Variants in MYL1 observed in about 807,000 individuals in gnomAD.
MYL1 encodes myosin light chain 1/3, skeletal muscle isoform.
Under a neutral mutation model 21.8 loss-of-function variants are expected in MYL1, and 16 were observed. That is an observed-to-expected ratio of 0.74 (90% confidence interval 0.50 to 1.12). MYL1 has a LOEUF of 1.12. Among genes scored for constraint, MYL1 ranks in the 50% most tolerant of loss-of-function variants. The pLI, the probability that MYL1 is intolerant of heterozygous loss-of-function variation, is 0.00. For missense variants in MYL1, 246 were observed against 241.0 expected, an observed-to-expected ratio of 1.02 and a Z score of -0.14; for synonymous variants, 99 against 85.2, an observed-to-expected ratio of 1.16 and a Z score of -0.89.
chr2:210,302,394 T>G, intron 2 of MYL1, 94 bp downstream of exon 2: 3 of 1,178,248 alleles, frequency 2.5e-6, no homozygotes, highest in Non-Finnish European at 3.5e-6. Context: ...GTGGGGATAA[T>G]TAGGAAGAGC....
intron 5 of MYL1, among the ~76,000 whole-genome samples, chr2:210,292,179 G>A (rs144043197): frequency 0.01 from 1,542 of 152,132 alleles, 30 homozygotes; most frequent in African/African-American, 0.035. Context: ...AGCGATTCTC[G>A]TGCCTCAGCC....
intron 2 of MYL1, among the ~76,000 whole-genome samples, chr2:210,301,414 C>G (rs764189500): frequency 1.3e-5 from 2 of 151,998 alleles, no homozygotes; most frequent in Non-Finnish European, 2.9e-5. Flanking sequence ...ATTTCAGATG[C>G]AGAAATAGAC....
rs1303134125 is a variant in MYL1, at chr2:210,290,426, T to C, written c.*56A>G. On this transcript the variant is annotated 3_prime_UTR_variant, in exon 7 of 7. Transcript: ENST00000352451. ...TCTGGAGAGTTTGTCATGGGTGTGA[T>C]TAAAATAAGTTTCCAGCCAGTCTTC... is the stretch of plus-strand genomic sequence containing the variant. The C allele has an allele frequency of 6.6e-6, 1 of 152,222 alleles. No homozygotes were observed. Among genetic ancestry groups the C allele is most frequent in the Non-Finnish European group, 1.5e-5 (1 of 68,046 alleles). 9.4% of individuals were successfully genotyped at this position (152,222 alleles called of 1,614,324 possible). A position where few individuals can be genotyped will look rare whatever the true frequency, so the allele number is the denominator to read the frequency against.
chr2:210,298,369 GC>G (rs757347395), intron 3 of MYL1, 50 bp downstream of exon 3: 3 of 1,262,680 alleles, frequency 2.4e-6, no homozygotes, highest in Non-Finnish European at 3.3e-6. Context: ...CACACACACT[GC>G]TACACACTTC....
chr2:210,293,374 A>G (rs1451461287), intron 5 of MYL1, among the ~76,000 whole-genome samples: 1 of 152,214 alleles, frequency 6.6e-6, no homozygotes, highest in Non-Finnish European at 1.5e-5. Flanking sequence ...TTTCATTTTC[A>G]TAATTGCTTC....
At chr2:210,296,815 G>A (rs1690180402) in intron 3 of MYL1, among the ~76,000 whole-genome samples, 1 of 151,908 alleles carries the variant, frequency 6.6e-6, no homozygotes, top group South Asian at 2.1e-4. Flanking sequence ...CCTGTCTCTA[G>A]AAAGCACTAC....
At chr2:210,291,713 T>G (rs564686903) in intron 5 of MYL1, among the ~76,000 whole-genome samples, 5 of 152,322 alleles carry the variant, frequency 3.3e-5, no homozygotes, top group Admixed American at 6.5e-5. Flanking sequence ...AATTTCACAT[T>G]GATACATTGA....
intron 3 of MYL1, among the ~76,000 whole-genome samples, chr2:210,295,275 GAATA>G (rs1690155405): frequency 6.6e-6 from 1 of 152,052 alleles, no homozygotes; most frequent in Non-Finnish European, 1.5e-5. Flanking sequence ...TTTGAATGCT[GAATA>G]AATGAGTATT....
intron 2 of MYL1, among the ~76,000 whole-genome samples, chr2:210,299,872 C>T (rs1690236976): frequency 6.6e-6 from 1 of 152,044 alleles, no homozygotes; most frequent in Non-Finnish European, 1.5e-5. Flanking sequence ...GGTTTCAGAT[C>T]AAAAGGTGCT....
chr2:210,301,686 A>G (rs1164582106), intron 2 of MYL1, among the ~76,000 whole-genome samples: 3 of 152,118 alleles, frequency 2.0e-5, no homozygotes, highest in African/African-American at 7.2e-5. Flanking sequence ...CTTGCTAATG[A>G]AAACATCAAG....
At chr2:210,293,862 A>G in intron 4 of MYL1, 62 bp from the exon 5 acceptor site, 1 of 1,451,706 alleles carries the variant, frequency 6.9e-7, no homozygotes, top group South Asian at 1.1e-5. Context: ...AATCCACCAT[A>G]GGTCATCAGT....
Position 210,315,006 on chromosome 2 carries a change from C to T in MYL1, c.37G>A (p.Ala13Thr), listed in dbSNP as rs143705321. Residue 13 changes from alanine (A) to threonine (T), a missense_variant, in exon 1 of 7, where the codon GCG becomes ACG. Transcript: ENST00000352451. ...PKKDVKKPVAAAAAAPAPAPA... is the reference protein window; with the variant it reads ...PKKDVKKPVATAAAAPAPAPA... ...GCCGGGGCTGGGGCAGCCGCAGCCG[C>T]AGCCACAGGTTTCTTCACGTCTTTC... 6.2e-7 allele frequency: 1 copy of T among 1,606,056 alleles called. No homozygotes were observed. The highest frequency in any genetic ancestry group is 8.5e-7 in the Non-Finnish European group (1 of 1,178,012).
In MYL1 at chr2:210,302,510, C is replaced by T. The variant is rs1049346643; in HGVS notation, c.138G>A (p.Glu46=). 1.2e-6 allele frequency: 2 copies of T among 1,609,488 alleles called. No individual in the cohort carries two copies. Among genetic ancestry groups the T allele is most frequent in the Admixed American group, 3.4e-5 (2 of 58,746 alleles). ...TACCATCCTGCTGTTCCTTAGAGAA[C>T]TCGATCTGTTAGAAAGAAATTGACC... ...EKIDLSAIKI[E]FSKEQQDEFK... is the part of the protein sequence containing the mutation. The change falls in exon 2 of 7, where the codon GAG becomes GAA. Residue 46 remains glutamate, a synonymous_variant. Transcript: ENST00000352451.
At chr2:210,291,117 A>G in intron 5 of MYL1, 43 bp from the exon 6 acceptor site, 8 of 1,515,342 alleles carry the variant, frequency 5.3e-6, no homozygotes, top group Non-Finnish European at 7.3e-6. Context: ...TAGAGTTAGG[A>G]AACAGTCAAA....
rs538204516 is a variant in MYL1, at chr2:210,312,763, T to C, written c.132+2148A>G. ...CTGTTTCTTCCAGATTCATTTAACT[T>C]CTTTTTGATTTGTGTCCCTTACTAG... On this transcript the variant is annotated intron_variant, in intron 1 of 6. Coordinates refer to ENST00000352451, the MANE Select transcript of MYL1 (RefSeq NM_079420.3). Among the ~76,000 whole-genome samples the C allele has an allele frequency of 3.3e-5, 5 of 152,032 alleles. No homozygotes were observed. In the South Asian group the frequency reaches 1.0e-3, roughly 32 times the overall value.
chr2:210,295,240 A>G (rs530215181), intron 3 of MYL1, among the ~76,000 whole-genome samples: 2 of 152,330 alleles, frequency 1.3e-5, no homozygotes, highest in East Asian at 3.9e-4. Flanking sequence ...CTGAAATTAC[A>G]TTGAGTAATA....
At chr2:210,307,446 A>T (rs1025398319) in intron 1 of MYL1, among the ~76,000 whole-genome samples, 26 of 152,206 alleles carry the variant, frequency 1.7e-4, no homozygotes, top group African/African-American at 6.0e-4. Flanking sequence ...CTGAGGGAAA[A>T]GACTTCACCT....
intron 1 of MYL1, among the ~76,000 whole-genome samples, chr2:210,312,293 T>A (rs1690428334): frequency 6.6e-6 from 1 of 152,080 alleles, no homozygotes; most frequent in Non-Finnish European, 1.5e-5. Flanking sequence ...TTTTGATTTA[T>A]GAAAGAAAGT....
chr2:210,309,298 C>A (rs1266796555), intron 1 of MYL1, among the ~76,000 whole-genome samples: 6 of 131,408 alleles, frequency 4.6e-5, no homozygotes, highest in African/African-American at 1.7e-4. Flanking sequence ...CTTCATAACA[C>A]CATGTTCAAG....
Sources: allele counts gnomAD v4.1 joint callset (sites outside exome capture counted in the v4.1 genomes callset), GRCh38; gene constraint gnomAD v4.1.1; transcripts MANE v1.5; gene names NCBI Gene and HGNC (gene_info 2026-07-23, HGNC 2026-07-21).